CFAP299: variants seen among roughly 807,000 people sequenced by gnomAD.
CFAP299 encodes cilia- and flagella-associated protein 299.
In CFAP299, 21 loss-of-function variants were observed where a neutral mutation model predicts 27.0. The observed-to-expected ratio is 0.78, with a 90% confidence interval of 0.55 to 1.12. CFAP299 has a LOEUF of 1.12. Ranked by LOEUF, CFAP299 falls within the 50% of genes most tolerant of loss-of-function variation. CFAP299 has a pLI of 0.00. For missense variants in CFAP299, 310 were observed against 276.6 expected, an observed-to-expected ratio of 1.12 and a Z score of -0.86; for synonymous variants, 104 against 98.1, an observed-to-expected ratio of 1.06 and a Z score of -0.36.
chr4:80,468,123 C>G (rs1480919757), intron 2 of CFAP299, among the ~76,000 whole-genome samples: 1 of 152,026 alleles, frequency 6.6e-6, no homozygotes, highest in East Asian at 1.9e-4. Context: ...TAGGTATAAT[C>G]TTGCTTGTTT....
rs1043729518 is a variant in CFAP299, at chr4:80,685,760, C to G, written c.333+102577C>G. Among the ~76,000 whole-genome samples, 9 of 152,222 alleles carry G rather than the reference C, an allele frequency of 5.9e-5. No homozygotes were observed. The South Asian group carries it at 1.7e-3, about 28-fold the overall frequency. ...TTGTAAAAAATAAGCTTGCAGAAAA[C>G]TGTCATAATGCTGAATTTTTTTTCC... is the stretch of plus-strand genomic sequence containing the variant. On this transcript the variant is annotated intron_variant, in intron 3 of 5. Coordinates refer to ENST00000358105, the MANE Select transcript of CFAP299 (RefSeq NM_152770.3).
chr4:80,352,049 A>G (rs940834758), intron 1 of CFAP299, among the ~76,000 whole-genome samples: 2 of 152,098 alleles, frequency 1.3e-5, no homozygotes, highest in Non-Finnish European at 2.9e-5. Context: ...CCTCAGAACT[A>G]GAAGTATTTC....
rs138635068 is a variant in CFAP299, at chr4:80,663,804, A to C, written c.333+80621A>C. The stretch of plus-strand genomic sequence containing the variant: ...ACATTCTCTCCAGCATCCGTTGTTT[A>C]CTGACGTTTTAATGATTGCGATTCT... On this transcript the variant is annotated intron_variant, in intron 3 of 5. Coordinates refer to ENST00000358105, the MANE Select transcript of CFAP299 (RefSeq NM_152770.3). Among the ~76,000 whole-genome samples the C allele has an allele frequency of 5.1e-3, 769 of 152,206 alleles. 5 individuals are homozygous for C. Among genetic ancestry groups the C allele is most frequent in the Middle Eastern group, 0.02 (6 of 294 alleles).
intron 3 of CFAP299, among the ~76,000 whole-genome samples, chr4:80,605,759 A>G (rs1737628473): frequency 6.6e-6 from 1 of 152,188 alleles, no homozygotes; most frequent in South Asian, 2.1e-4. Flanking sequence ...AAACTATAGG[A>G]AAGATACAAG....
At chr4:80,865,285 GA>G (rs1732657510) in intron 3 of CFAP299, among the ~76,000 whole-genome samples, 2 of 152,126 alleles carry the variant, frequency 1.3e-5, no homozygotes, top group African/African-American at 4.8e-5. Flanking sequence ...ATTAACTCTG[GA>G]GCAAAATATG....
chr4:80,506,438 A>G (rs1732041715), intron 2 of CFAP299, among the ~76,000 whole-genome samples: 1 of 152,206 alleles, frequency 6.6e-6, no homozygotes, highest in Non-Finnish European at 1.5e-5. Context: ...TAGACTAGCT[A>G]CATGAAAGTC....
intron 2 of CFAP299, among the ~76,000 whole-genome samples, chr4:80,548,779 G>T (rs914814180): frequency 6.6e-6 from 1 of 151,996 alleles, no homozygotes; most frequent in Admixed American, 6.6e-5. Context: ...ATAAAATTTA[G>T]TTTTTATATG....
chr4:80,391,163 T>G (rs910127168), intron 2 of CFAP299, among the ~76,000 whole-genome samples: 1 of 152,118 alleles, frequency 6.6e-6, no homozygotes, highest in Non-Finnish European at 1.5e-5. Context: ...TTGGTTCTTG[T>G]GAATAATGCT....
At chr4:80,905,576 C>G (rs542153582) in intron 4 of CFAP299, among the ~76,000 whole-genome samples, 1 of 152,102 alleles carries the variant, frequency 6.6e-6, no homozygotes, top group Non-Finnish European at 1.5e-5. Context: ...CTGCCCAAGA[C>G]AGGGTAATTT....
rs368674744 is a variant in CFAP299 at position 80,509,415 on chromosome 4, C to G, written c.243-73678C>G. On this transcript the variant is annotated intron_variant, in intron 2 of 5. Coordinates refer to ENST00000358105, the MANE Select transcript of CFAP299 (RefSeq NM_152770.3). ...ATTTTGCTATTAAATGATGTGGGCC[C>G]AAAGTGAAAGCTAAGTAAATACCAG... is the stretch of plus-strand genomic sequence containing the variant. 5.0e-3 allele frequency among the ~76,000 whole-genome samples: 767 copies of G among 152,176 alleles called. 4 individuals carry two copies. Among genetic ancestry groups the G allele is most frequent in the Middle Eastern group, 0.017 (5 of 294 alleles).
intron 3 of CFAP299, among the ~76,000 whole-genome samples, chr4:80,674,028 G>T (rs1436306329): frequency 1.3e-5 from 2 of 152,066 alleles, no homozygotes; most frequent in African/African-American, 4.8e-5. Flanking sequence ...TACATTTAAG[G>T]TTAATATTGT....
chr4:80,624,955 T>C (rs1428009568), intron 3 of CFAP299, among the ~76,000 whole-genome samples: 1 of 152,074 alleles, frequency 6.6e-6, no homozygotes, highest in African/African-American at 2.4e-5. Context: ...AGGGAGTTCA[T>C]CACCACCAGA....
intron 5 of CFAP299, among the ~76,000 whole-genome samples, chr4:80,951,705 T>C (rs900553935): frequency 1.3e-5 from 2 of 152,206 alleles, no homozygotes; most frequent in African/African-American, 4.8e-5. Flanking sequence ...CCCTAAAGAT[T>C]AGCTGGATTT....
At chr4:80,686,608 A>C (rs1720212153) in intron 3 of CFAP299, among the ~76,000 whole-genome samples, 1 of 152,184 alleles carries the variant, frequency 6.6e-6, no homozygotes, top group South Asian at 2.1e-4. Flanking sequence ...TGGGGTTCAC[A>C]GTATAGTGGC....
rs186546959 is a variant in CFAP299 at position 80,844,428 on chromosome 4, T to G, written c.334-25565T>G. Among the ~76,000 whole-genome samples the G allele has an allele frequency of 3.8e-3, 579 of 152,236 alleles. 1 individual carries two copies. The highest frequency in any genetic ancestry group is 0.01 in the Middle Eastern group (3 of 294). ...TCTCCAGCACCTGTTGTTTCCTGAC[T>G]TTTTAATGATCACCATTCTAACTGG... On this transcript the variant is annotated intron_variant, in intron 3 of 5. Coordinates refer to ENST00000358105, the MANE Select transcript of CFAP299 (RefSeq NM_152770.3).
intron 3 of CFAP299, among the ~76,000 whole-genome samples, chr4:80,762,220 T>C (rs1725578194): frequency 6.6e-6 from 1 of 152,078 alleles, no homozygotes; most frequent in African/African-American, 2.4e-5. Flanking sequence ...TTTCCTTTTC[T>C]GAACGTTGAT....
At chr4:80,677,877 A>G (rs1001216638) in intron 3 of CFAP299, among the ~76,000 whole-genome samples, 1 of 152,086 alleles carries the variant, frequency 6.6e-6, no homozygotes, top group African/African-American at 2.4e-5. Flanking sequence ...GATAAATTCC[A>G]TTTATAAAAA....
chr4:80,548,071 C>T (rs758433620), intron 2 of CFAP299, among the ~76,000 whole-genome samples: 5 of 152,130 alleles, frequency 3.3e-5, no homozygotes, highest in Non-Finnish European at 5.9e-5. Flanking sequence ...AAGGCACACG[C>T]CCTTGTGTGT....
In CFAP299 at chr4:80,880,743, AAAATAAAATAAAATT is replaced by A. The variant is rs1333136221; in HGVS notation, c.476+10613_476+10627del. Among the ~76,000 whole-genome samples the A allele has an allele frequency of 1.1e-3, 170 of 151,264 alleles. 1 individual carries two copies. Among genetic ancestry groups the A allele is most frequent in the African/African-American group, 3.7e-3 (155 of 41,412 alleles). On this transcript the variant is annotated intron_variant, in intron 4 of 5. Coordinates refer to ENST00000358105, the MANE Select transcript of CFAP299 (RefSeq NM_152770.3). ...TCCGTCTCAAAAAATAAAATAAAAT[AAAATAAAATAAAATT>A]AAATTAAATTAAAATTTTAAAAAGA...
Sources: allele counts gnomAD v4.1 joint callset (sites outside exome capture counted in the v4.1 genomes callset), GRCh38; gene constraint gnomAD v4.1.1; transcripts MANE v1.5; gene names NCBI Gene and HGNC (gene_info 2026-07-23, HGNC 2026-07-21).